The following ANKRD36C variants were observed in gnomAD, a reference collection of about 807,000 sequenced individuals.
ANKRD36C encodes the protein ankyrin repeat domain-containing protein 36C.
ANKRD36C carries 61 observed loss-of-function variants against 276.4 expected under a neutral mutation model. The ratio of observed to expected loss-of-function variants is 0.22; its 90% confidence interval spans 0.18 to 0.27. The LOEUF is 0.27. Among genes scored for constraint, ANKRD36C ranks in the 10% least tolerant of loss-of-function variants. ANKRD36C has a pLI of 1.00. For missense variants in ANKRD36C, 1,447 were observed against 2,032.3 expected, an observed-to-expected ratio of 0.71 and a Z score of 5.54; for synonymous variants, 483 against 680.1, an observed-to-expected ratio of 0.71 and a Z score of 4.51.
intron 48 of ANKRD36C, among the ~76,000 whole-genome samples, chr2:95,888,437 C>T (rs1048663415): frequency 2.0e-5 from 3 of 151,688 alleles, no homozygotes; most frequent in African/African-American, 7.3e-5. Context: ...AGAGGAGCAA[C>T]TCATACACTT....
At chr2:95,923,379 C>T (rs796882147) in intron 32 of ANKRD36C, 116 bp downstream of exon 32, 50 of 1,351,352 alleles carry the variant, frequency 3.7e-5, no homozygotes, top group Non-Finnish European at 4.6e-5. Flanking sequence ...GAAGAATCTC[C>T]GGCCTGCTGA....
At chr2:95,887,707 C>A (rs1450293679) in intron 50 of ANKRD36C, among the ~76,000 whole-genome samples, 4 of 151,648 alleles carry the variant, frequency 2.6e-5, no homozygotes, top group Non-Finnish European at 5.9e-5. Context: ...ATTTCTTCTT[C>A]CCAATTTCGA....
At chr2:95,914,797 C>T (rs1677043206) in intron 38 of ANKRD36C, among the ~76,000 whole-genome samples, 1 of 151,524 alleles carries the variant, frequency 6.6e-6, no homozygotes, top group Admixed American at 6.6e-5. Flanking sequence ...ACTTACACTT[C>T]ACATCTCTTC....
downstream of ANKRD36C, among the ~76,000 whole-genome samples, chr2:95,849,669 T>C (rs147079076): frequency 2.3e-4 from 35 of 152,344 alleles, no homozygotes; most frequent in African/African-American, 8.4e-4. Flanking sequence ...TGTAACTAGA[T>C]GGTCCCATCG....
chr2:95,925,199 C>T (rs192823583), intron 30 of ANKRD36C, among the ~76,000 whole-genome samples, 153 bp downstream of exon 30: 25 of 151,702 alleles, frequency 1.6e-4, no homozygotes, highest in African/African-American at 5.8e-4. Flanking sequence ...CCAGCAGCAT[C>T]AGCACCACCT....
intron 42 of ANKRD36C, among the ~76,000 whole-genome samples, chr2:95,902,319 T>C (rs1269113210): frequency 6.7e-6 from 1 of 149,206 alleles, no homozygotes; most frequent in Non-Finnish European, 1.5e-5. Flanking sequence ...CAAATATTTG[T>C]TATGAAAATA....
chr2:95,918,855 G>C (rs1677189340), intron 34 of ANKRD36C, among the ~76,000 whole-genome samples: 1 of 148,872 alleles, frequency 6.7e-6, no homozygotes, highest in South Asian at 2.1e-4. Context: ...CATTTTAGGA[G>C]TTAATTAGAA....
chr2:95,928,700 C>A lies in ANKRD36C; in HGVS notation c.1837+372G>T, dbSNP rs1381496221. ...GGAGTTATTAGGATCACTTTTCCCT[C>A]TGTTTATAACAATATGATATGATGC... On this transcript the variant is annotated intron_variant, in intron 26 of 66. Transcript: ENST00000456556. Among the ~76,000 whole-genome samples the A allele has an allele frequency of 1.5e-4, 23 of 151,476 alleles. No homozygotes were observed. In the East Asian group the frequency reaches 4.5e-3, roughly 29 times the overall value.
At chr2:95,882,183 C>A in intron 56 of ANKRD36C, 119 bp downstream of exon 76, 1 of 906,366 alleles carries the variant, frequency 1.1e-6, no homozygotes, top group Non-Finnish European at 1.7e-6. Flanking sequence ...AATGCACAAT[C>A]TCAGGCCTGC....
intron 6 of ANKRD36C, among the ~76,000 whole-genome samples, chr2:95,963,986 T>TATAA (rs1558658684): frequency 3.7e-4 from 7 of 19,060 alleles, no homozygotes; most frequent in Non-Finnish European, 6.2e-4. Flanking sequence ...TATATATATA[T>TATAA]ATATATATAT....
chr2:95,892,754 A>G (rs1676412396), intron 44 of ANKRD36C, among the ~76,000 whole-genome samples: 1 of 151,412 alleles, frequency 6.6e-6, no homozygotes, highest in South Asian at 2.1e-4. Context: ...AAGTTTCATG[A>G]AATAGCTATT....
intron 50 of ANKRD36C, 61 bp downstream of exon 70, chr2:95,887,864 G>A (rs1676236303): frequency 6.5e-7 from 1 of 1,539,880 alleles, no homozygotes; most frequent in African/African-American, 1.4e-5. Flanking sequence ...ATTTGTTCGG[G>A]GAAGAGAAGT....
chr2:95,960,391 GC>G, intron 10 of ANKRD36C, 81 bp downstream of exon 10: 1 of 1,487,916 alleles, frequency 6.7e-7, no homozygotes, highest in Non-Finnish European at 9.1e-7. Context: ...GCTTCAATGA[GC>G]CCCCTGCTGA....
chr2:95,969,208 A>G (rs866767186), intron 6 of ANKRD36C, among the ~76,000 whole-genome samples: 2 of 152,328 alleles, frequency 1.3e-5, no homozygotes, highest in South Asian at 4.1e-4. Flanking sequence ...GATCACTCTG[A>G]TGATGAGCCC....
intron 61 of ANKRD36C, among the ~76,000 whole-genome samples, chr2:95,859,254 G>A (rs72931744): frequency 5.9e-5 from 9 of 151,840 alleles, no homozygotes; most frequent in African/African-American, 1.7e-4. Context: ...GACTGGTCTC[G>A]AACTCCTGAC....
At chr2:95,871,620 A>G (rs1675814290) in intron 59 of ANKRD36C, among the ~76,000 whole-genome samples, 1 of 152,180 alleles carries the variant, frequency 6.6e-6, no homozygotes, top group Non-Finnish European at 1.5e-5. Context: ...AATGAGCAAA[A>G]TAACTAGCTA....
chr2:95,974,908 G>GT (rs1262113495), intron 6 of ANKRD36C, among the ~76,000 whole-genome samples: 1 of 149,094 alleles, frequency 6.7e-6, no homozygotes, highest in Non-Finnish European at 1.5e-5. Flanking sequence ...GTGGTGTTTG[G>GT]TTTTTTGTCC....
chr2:95,875,138 C>T (rs370497402), intron 59 of ANKRD36C, among the ~76,000 whole-genome samples: 23 of 151,134 alleles, frequency 1.5e-4, no homozygotes, highest in Non-Finnish European at 7.4e-5. Context: ...CTCAGGGATC[C>T]AGAACTAGAA....
At chr2:95,962,687 G>A (rs1350093039) in intron 6 of ANKRD36C, 140 bp from the exon 7 acceptor site, 15 of 1,189,096 alleles carry the variant, frequency 1.3e-5, no homozygotes, top group Non-Finnish European at 1.7e-5. Context: ...TGTGTCTTGG[G>A]ACTGGAACAT....
Sources: gnomAD v4.1 joint callset for allele counts (sites outside exome capture counted in the v4.1 genomes callset) on GRCh38, gnomAD v4.1.1 for gene constraint, MANE v1.5 for transcripts, NCBI Gene and HGNC (gene_info 2026-07-23, HGNC 2026-07-21) for gene names.